BDNF: variants seen among roughly 807,000 people sequenced by gnomAD.
The protein encoded by BDNF is neurotrophic factor BDNF precursor form.
BDNF carries 1 observed loss-of-function variant against 19.5 expected under a neutral mutation model. The ratio of observed to expected loss-of-function variants is 0.05; its 90% CI spans 0.02 to 0.24. BDNF has a LOEUF of 0.24. Among genes scored for constraint, BDNF ranks in the 10% least tolerant of loss-of-function variants. BDNF has a pLI of 1.00. For synonymous variants in BDNF, 100 were observed against 121.6 expected, an observed-to-expected ratio of 0.82 and a Z score of 1.17; for missense variants, 195 against 317.6, an observed-to-expected ratio of 0.61 and a Z score of 2.93.
chr11:27,717,293 T>C (rs1490210438), intron 1 of BDNF, among the ~76,000 whole-genome samples: 1 of 152,240 alleles, frequency 6.6e-6, no homozygotes, highest in Non-Finnish European at 1.5e-5. Context: ...CTTGAGCATA[T>C]ACATTAGATT....
At chr11:27,718,076 A>G (rs1860584137) in intron 1 of BDNF, among the ~76,000 whole-genome samples, 1 of 152,204 alleles carries the variant, frequency 6.6e-6, no homozygotes, top group Non-Finnish European at 1.5e-5. Flanking sequence ...CATTCATTTG[A>G]AGCCCTAGCA....
In BDNF at chr11:27,700,265, TC is replaced by T; in HGVS notation, c.-124del. On this transcript the variant is annotated 5_prime_UTR_variant, in exon 1 of 2. An upstream open reading frame in the 5' UTR loses its in-frame stop. Transcript: ENST00000356660. The stretch of plus-strand genomic sequence containing the variant: ...GCCCCGGTCCCCGTCGCGGTGCTGC[TC>T]CCCGCCGGCCCCACAGCAGCGGTGG... The T allele has an allele frequency of 1.0e-6, 1 of 985,104 alleles. No homozygotes were observed. 61.0% of individuals were successfully genotyped at this position (985,104 alleles called of 1,614,324 possible).
At position 27,715,929 on chromosome 11, in the gene BDNF, T is replaced by C. The variant is rs142434958; in HGVS notation, c.3+5483A>G. ...GGAAATACAAATAAAGTCTGCACTATAGCAGAAAAATCTCTTATAGGATTG... is the reference window on the plus strand; with the variant it reads ...GGAAATACAAATAAAGTCTGCACTACAGCAGAAAAATCTCTTATAGGATTG... On this transcript the variant is annotated intron_variant, in intron 1 of 1. Transcript: ENST00000314915. Among the ~76,000 whole-genome samples, 12 of 152,292 alleles carry C rather than the reference T, an allele frequency of 7.9e-5. No individual in the cohort carries two copies. In the East Asian group the frequency reaches 2.3e-3, roughly 29 times the overall value.
intron 1 of BDNF, among the ~76,000 whole-genome samples, chr11:27,668,550 T>C (rs926036417): frequency 2.0e-4 from 31 of 151,900 alleles, no homozygotes; most frequent in Admixed American, 1.8e-3. Flanking sequence ...AAGAATCAAA[T>C]AGATGCAATA....
At chr11:27,699,344 A>G in intron 1 of BDNF, 1 of 1,612,906 alleles carries the variant, frequency 6.2e-7, no homozygotes, top group Non-Finnish European at 8.5e-7. Context: ...CAGAGCCCCC[A>G]ATCCTCAGCT....
At chr11:27,700,554 C>A (rs1335629504), upstream of BDNF, 3 of 928,764 alleles carry the variant, frequency 3.2e-6, no homozygotes, top group Non-Finnish European at 3.8e-6. Flanking sequence ...CCCCGCTCCC[C>A]GCTCGCCCGC....
chr11:27,670,921 G>T (rs186737913), intron 1 of BDNF, among the ~76,000 whole-genome samples: 2 of 152,312 alleles, frequency 1.3e-5, no homozygotes, highest in East Asian at 3.9e-4. Flanking sequence ...ATACCCAGAG[G>T]ATTATAAATC....
At chr11:27,695,816 C>A (rs1858920186) in intron 1 of BDNF, among the ~76,000 whole-genome samples, 1 of 151,926 alleles carries the variant, frequency 6.6e-6, no homozygotes, top group African/African-American at 2.4e-5. Context: ...CAATGAGCCA[C>A]TTCTTAGCAT....
chr11:27,699,126 T>C (rs1273759405), intron 1 of BDNF, among the ~76,000 whole-genome samples: 1 of 136,544 alleles, frequency 7.3e-6, no homozygotes. Flanking sequence ...CTTGGCAGCA[T>C]GGCCGGCAGA....
chr11:27,714,473 G>A (rs948888968), intron 1 of BDNF, among the ~76,000 whole-genome samples: 1 of 152,050 alleles, frequency 6.6e-6, no homozygotes, highest in African/African-American at 2.4e-5. Flanking sequence ...TTGATAGCAG[G>A]TCTTCCATCG....
intron 1 of BDNF, chr11:27,719,696 A>G: frequency 1.0e-6 from 1 of 967,956 alleles, no homozygotes; most frequent in Non-Finnish European, 1.2e-6. Context: ...GACGGAGAGG[A>G]AGAGATAGAA....
chr11:27,674,294 C>T (rs1855803953), intron 1 of BDNF: 1 of 1,554,430 alleles, frequency 6.4e-7, no homozygotes, highest in Non-Finnish European at 8.7e-7. Context: ...TCCAGTTGTC[C>T]TTCGGGTTAT....
At chr11:27,688,341 G>A (rs933782834) in intron 1 of BDNF, among the ~76,000 whole-genome samples, 2 of 152,330 alleles carry the variant, frequency 1.3e-5, no homozygotes, top group East Asian at 1.9e-4. Flanking sequence ...TTACCTTGCC[G>A]TGCTCCATGG....
chr11:27,709,777 C>CA (rs1860255955), intron 1 of BDNF, among the ~76,000 whole-genome samples: 1 of 152,118 alleles, frequency 6.6e-6, no homozygotes, highest in African/African-American at 2.4e-5. Context: ...CTCAGTTGCC[C>CA]AATCAATCAA....
chr11:27,678,832 C>G (rs1856512497), intron 1 of BDNF, among the ~76,000 whole-genome samples: 1 of 152,180 alleles, frequency 6.6e-6, no homozygotes, highest in Non-Finnish European at 1.5e-5. Flanking sequence ...CTTCTCCTTT[C>G]CACATGTATA....
intron 1 of BDNF, among the ~76,000 whole-genome samples, chr11:27,689,026 A>G (rs1278774244): frequency 1.3e-5 from 2 of 152,224 alleles, no homozygotes; most frequent in African/African-American, 4.8e-5. Context: ...ACTCCTTGGA[A>G]AAAACATTTT....
chr11:27,692,638 A>G (rs531927127), intron 1 of BDNF, among the ~76,000 whole-genome samples: 191 of 152,236 alleles, frequency 1.3e-3, no homozygotes, highest in African/African-American at 4.5e-3. Context: ...CCACCACACC[A>G]GACCTCTTTT....
At chr11:27,684,118 C>T (rs1564971485) in intron 1 of BDNF, among the ~76,000 whole-genome samples, 1 of 152,148 alleles carries the variant, frequency 6.6e-6, no homozygotes, top group African/African-American at 2.4e-5. Context: ...AGAGGTCCTT[C>T]ACATCCCTTG....
At chr11:27,701,411 G>A (rs1250756886), upstream of BDNF, 3 of 1,038,406 alleles carry the variant, frequency 2.9e-6, no homozygotes, top group East Asian at 2.5e-4. Context: ...TTAATTAAAG[G>A]GGGGAGGGGG....
Sources: allele counts gnomAD v4.1 joint callset (sites outside exome capture counted in the v4.1 genomes callset), GRCh38; gene constraint gnomAD v4.1.1; transcripts MANE v1.5; gene names NCBI Gene and HGNC (gene_info 2026-07-23, HGNC 2026-07-21).